The following BRINP3 variants were observed in gnomAD, a reference collection of about 807,000 sequenced individuals.
BRINP3 encodes the protein BMP/retinoic acid inducible neural specific 3, also known as BMP/retinoic acid-inducible neural-specific protein 3.
Under a neutral mutation model 71.0 loss-of-function variants are expected in BRINP3, and 19 were observed. The ratio of observed to expected loss-of-function variants is 0.27; its 90% confidence interval spans 0.19 to 0.39. BRINP3 has a LOEUF of 0.39. Ranked by LOEUF, BRINP3 falls within the 10% of genes least tolerant of loss-of-function variation. BRINP3 has a pLI of 1.00. For synonymous variants in BRINP3, 380 were observed against 337.7 expected, an observed-to-expected ratio of 1.13 and a Z score of -1.37; for missense variants, 959 against 940.8, an observed-to-expected ratio of 1.02 and a Z score of -0.25.
intron 2 of BRINP3, among the ~76,000 whole-genome samples, chr1:190,295,951 G>A (rs1432947305): frequency 2.0e-5 from 3 of 151,754 alleles, no homozygotes; most frequent in Non-Finnish European, 4.4e-5. Context: ...AATCTGTATA[G>A]TTATTCAATG....
chr1:190,344,351 T>C (rs1486863283), intron 2 of BRINP3, among the ~76,000 whole-genome samples: 1 of 151,826 alleles, frequency 6.6e-6, no homozygotes, highest in East Asian at 1.9e-4. Context: ...GTCAAATAGT[T>C]AGAAAGTACT....
chr1:190,466,262 T>C (rs1330805480), intron 1 of BRINP3, among the ~76,000 whole-genome samples: 1 of 151,678 alleles, frequency 6.6e-6, no homozygotes, highest in Non-Finnish European at 1.5e-5. Flanking sequence ...CAATTCTCAA[T>C]ACTGGGACAA....
At position 190,133,680 on chromosome 1, in the gene BRINP3, T is replaced by A. The variant is rs566615269; in HGVS notation, c.1184+26988A>T. 4.6e-5 allele frequency among the ~76,000 whole-genome samples: 7 copies of A among 152,214 alleles called. No homozygotes were observed. The South Asian group carries it at 1.4e-3, about 32-fold the overall frequency. On this transcript the variant is annotated intron_variant, in intron 7 of 7. Coordinates refer to ENST00000367462, the MANE Select transcript of BRINP3 (RefSeq NM_199051.3). The stretch of plus-strand genomic sequence containing the variant: ...TGCAAAAACATGATGCATAATACAC[T>A]TAATACAAATTGAATATGCATACTT...
intron 5 of BRINP3, among the ~76,000 whole-genome samples, chr1:190,228,695 C>A (rs1361182457): frequency 6.6e-6 from 1 of 151,814 alleles, no homozygotes; most frequent in Non-Finnish European, 1.5e-5. Flanking sequence ...AATTTTATAA[C>A]CAGACCACCG....
rs1353251391 is a variant in BRINP3, at chr1:190,418,647, AT to A, written c.236+36007del. On this transcript the variant is annotated intron_variant, in intron 2 of 7. Transcript: ENST00000367462. Reference sequence around the variant, plus strand: ...TAATTTGTCCTGAAATTAGATATATATTTTTTATGTGAAAATCTGCAAAACA... The same window carrying A: ...TAATTTGTCCTGAAATTAGATATATATTTTTATGTGAAAATCTGCAAAACA... Among the ~76,000 whole-genome samples, 6 of 152,230 alleles carry A rather than the reference AT, an allele frequency of 3.9e-5. No homozygotes were observed. The East Asian group carries it at 1.2e-3, about 29-fold the overall frequency.
chr1:190,377,136 A>G (rs1049632123), intron 2 of BRINP3, among the ~76,000 whole-genome samples: 10 of 152,122 alleles, frequency 6.6e-5, no homozygotes, highest in African/African-American at 2.2e-4. Flanking sequence ...GCTATATTAT[A>G]AAGTGCACCT....
intron 2 of BRINP3, among the ~76,000 whole-genome samples, chr1:190,315,781 A>C: frequency 6.6e-6 from 1 of 152,214 alleles, no homozygotes; most frequent in African/African-American, 2.4e-5. Flanking sequence ...TATATTCCAT[A>C]TTTTAAAAGA....
At chr1:190,154,927 G>C (rs964050232) in intron 7 of BRINP3, among the ~76,000 whole-genome samples, 1 of 152,074 alleles carries the variant, frequency 6.6e-6, no homozygotes, top group African/African-American at 2.4e-5. Flanking sequence ...AAATGAGGCT[G>C]TTGCTTCAGG....
chr1:190,327,013 A>G (rs1463384667), intron 2 of BRINP3, among the ~76,000 whole-genome samples: 7 of 52,842 alleles, frequency 1.3e-4, no homozygotes, highest in Non-Finnish European at 3.0e-4. Flanking sequence ...GTCAAGTTAG[A>G]AAAAAAAAAA....
intron 7 of BRINP3, among the ~76,000 whole-genome samples, chr1:190,131,292 T>C (rs964533339): frequency 2.0e-5 from 3 of 151,696 alleles, no homozygotes; most frequent in Admixed American, 6.6e-5. Flanking sequence ...TTGACAGTAA[T>C]CGACACTGGG....
chr1:190,199,206 G>A lies in BRINP3; in HGVS notation c.961+26876C>T, dbSNP rs144307571. 3.9e-3 allele frequency among the ~76,000 whole-genome samples: 597 copies of A among 152,220 alleles called. 2 individuals carry two copies. The highest frequency in any genetic ancestry group is 0.013 in the African/African-American group (558 of 41,550). On this transcript the variant is annotated intron_variant, in intron 6 of 7. Transcript: ENST00000367462. ...TTCCATCATTCAATTACCTCCCACT[G>A]GGTCCCTCCCATGACTTGTGGGGAT... is the stretch of plus-strand genomic sequence containing the variant.
At chr1:190,242,287 C>G (rs1247184289) in intron 4 of BRINP3, among the ~76,000 whole-genome samples, 11 of 151,854 alleles carry the variant, frequency 7.2e-5, no homozygotes, top group African/African-American at 2.7e-4. Context: ...AAAAATATAT[C>G]AATGCAAAAT....
At chr1:190,140,928 C>T (rs1655376805) in intron 7 of BRINP3, among the ~76,000 whole-genome samples, 1 of 152,140 alleles carries the variant, frequency 6.6e-6, no homozygotes, top group Non-Finnish European at 1.5e-5. Flanking sequence ...TCTCTATTCA[C>T]AAGAGCGGGA....
chr1:190,285,697 A>T (rs746123523), intron 2 of BRINP3, among the ~76,000 whole-genome samples: 11 of 152,004 alleles, frequency 7.2e-5, no homozygotes, highest in Non-Finnish European at 1.6e-4. Flanking sequence ...GTCTGTATAT[A>T]AATTGGAATC....
intron 2 of BRINP3, among the ~76,000 whole-genome samples, chr1:190,440,444 C>T (rs1674743167): frequency 6.6e-6 from 1 of 151,802 alleles, no homozygotes. Context: ...TATTTAGAAA[C>T]TTTTAATTTC....
intron 3 of BRINP3, among the ~76,000 whole-genome samples, chr1:190,279,919 G>T (rs1157213653): frequency 6.6e-6 from 1 of 151,852 alleles, no homozygotes; most frequent in Non-Finnish European, 1.5e-5. Flanking sequence ...CTAAGAAAGT[G>T]TAGTTTTACT....
intron 2 of BRINP3, among the ~76,000 whole-genome samples, chr1:190,441,761 G>T (rs1406311264): frequency 6.6e-6 from 1 of 152,038 alleles, no homozygotes; most frequent in Non-Finnish European, 1.5e-5. Context: ...AAGAGTAGGA[G>T]AATCTAGTTC....
At chr1:190,392,725 G>A (rs1671327825) in intron 2 of BRINP3, among the ~76,000 whole-genome samples, 1 of 151,520 alleles carries the variant, frequency 6.6e-6, no homozygotes, top group Admixed American at 6.6e-5. Flanking sequence ...ATGTACAGTA[G>A]GGCCCTTGTA....
At chr1:190,260,370 C>T (rs114656287) in intron 4 of BRINP3, among the ~76,000 whole-genome samples, 3,666 of 152,016 alleles carry the variant, frequency 0.024, 73 homozygotes, top group South Asian at 0.1. Context: ...GCTGTAGTAA[C>T]CATTTCACTA....
Sources: allele counts gnomAD v4.1 joint callset (sites outside exome capture counted in the v4.1 genomes callset), GRCh38; gene constraint gnomAD v4.1.1; transcripts MANE v1.5; gene names NCBI Gene and HGNC (gene_info 2026-07-23, HGNC 2026-07-21).